STK31: variants seen among roughly 807,000 people sequenced by gnomAD.
STK31 encodes serine/threonine kinase 31.
Under a neutral mutation model 129.7 loss-of-function variants are expected in STK31, and 89 were observed. The observed-to-expected ratio is 0.69, with a 90% CI of 0.58 to 0.82. The LOEUF (loss-of-function observed/expected upper bound fraction) is 0.82, where lower values mean the gene tolerates loss of function less well. STK31 is among the 40% of genes least tolerant of loss of function. The pLI is 0.00. For missense variants in STK31, 1,187 were observed against 1,176.4 expected, an observed-to-expected ratio of 1.01 and a Z score of -0.13; for synonymous variants, 448 against 395.3, an observed-to-expected ratio of 1.13 and a Z score of -1.58.
intron 8 of STK31, among the ~76,000 whole-genome samples, chr7:23,745,309 G>A (rs572568653): frequency 6.6e-6 from 1 of 152,298 alleles, no homozygotes; most frequent in African/African-American, 2.4e-5. Flanking sequence ...TCAGGTCCAG[G>A]TGGTGAGTGC....
chr7:23,774,451 C>T (rs1300685057), intron 15 of STK31, among the ~76,000 whole-genome samples: 1 of 152,154 alleles, frequency 6.6e-6, no homozygotes, highest in Non-Finnish European at 1.5e-5. Flanking sequence ...CTGTTGTTTC[C>T]TGACTTTTTA....
chr7:23,831,413 C>T (rs896937646), intron 23 of STK31, among the ~76,000 whole-genome samples: 1 of 152,154 alleles, frequency 6.6e-6, no homozygotes, highest in African/African-American at 2.4e-5. Context: ...TTACCTGATA[C>T]AAGTATAGTT....
chr7:23,737,684 C>T (rs1382794086), intron 8 of STK31, among the ~76,000 whole-genome samples: 1 of 152,180 alleles, frequency 6.6e-6, no homozygotes, highest in Non-Finnish European at 1.5e-5. Flanking sequence ...CCCAGTTAGG[C>T]ACATACATTG....
intron 6 of STK31, among the ~76,000 whole-genome samples, chr7:23,730,830 T>A (rs1189827100): frequency 5.0e-5 from 7 of 140,938 alleles, no homozygotes; most frequent in Admixed American, 3.7e-4. Context: ...CAAAGATTCT[T>A]TATATATGGT....
intron 23 of STK31, among the ~76,000 whole-genome samples, chr7:23,817,513 C>G (rs7777348): frequency 0.25 from 37,495 of 152,050 alleles, 4,854 homozygotes; most frequent in South Asian, 0.34. Context: ...ATTTTGTGTT[C>G]ACACATAGCT....
chr7:23,790,425 T>G (rs1035968513), intron 21 of STK31, among the ~76,000 whole-genome samples: 2 of 152,190 alleles, frequency 1.3e-5, no homozygotes, highest in African/African-American at 4.8e-5. Flanking sequence ...AAATGGTATA[T>G]TTAGAGAATG....
At chr7:23,752,596 C>T in intron 8 of STK31, 121 bp from the exon 9 acceptor site, 1 of 706,888 alleles carries the variant, frequency 1.4e-6, no homozygotes, top group Non-Finnish European at 2.5e-6. Context: ...CCTCCTTGGC[C>T]TCCCAAAGTG....
intron 8 of STK31, among the ~76,000 whole-genome samples, chr7:23,739,197 T>C (rs1383833368): frequency 1.3e-5 from 2 of 152,238 alleles, no homozygotes; most frequent in Non-Finnish European, 2.9e-5. Flanking sequence ...TATCTCATTG[T>C]GGTTTTGATT....
chr7:23,806,831 C>T (rs1332753650), intron 22 of STK31, among the ~76,000 whole-genome samples: 2 of 142,660 alleles, frequency 1.4e-5, no homozygotes, highest in East Asian at 4.3e-4. Flanking sequence ...ACCCGGGAGG[C>T]GGAGCTTGCA....
At chr7:23,758,317 C>T (rs942872478) in intron 10 of STK31, among the ~76,000 whole-genome samples, 7 of 151,974 alleles carry the variant, frequency 4.6e-5, no homozygotes, top group African/African-American at 1.7e-4. Flanking sequence ...AGTGGTGATA[C>T]CCCTTTAACA....
intron 4 of STK31, chr7:23,721,551 T>C (rs1326734081): frequency 2.1e-5 from 19 of 913,042 alleles, no homozygotes; most frequent in Non-Finnish European, 2.9e-5. Flanking sequence ...TTTTTTTTTT[T>C]CCTTTTGGGT....
In STK31 at chr7:23,749,888, G is replaced by A. The variant is rs145726684; in HGVS notation, c.1018-2829G>A. Among the ~76,000 whole-genome samples, 669 of 152,050 alleles carry A rather than the reference G, an allele frequency of 4.4e-3. 7 individuals carry two copies. The highest frequency in any genetic ancestry group is 0.016 in the African/African-American group (650 of 41,472). On this transcript the variant is annotated intron_variant, in intron 8 of 23. Coordinates refer to ENST00000355870, the MANE Select transcript of STK31 (RefSeq NM_031414.5). ...GATGGCTAGAGTAGGATGGAATTGG[G>A]TATTTACCTCCTCCCATGTGGAAGG... is the stretch of plus-strand genomic sequence containing the variant.
At chr7:23,716,716 G>T (rs1477199794) in intron 3 of STK31, among the ~76,000 whole-genome samples, 1 of 151,244 alleles carries the variant, frequency 6.6e-6, no homozygotes, top group Non-Finnish European at 1.5e-5. Flanking sequence ...AAATTATTCA[G>T]CCTTGGCCAT....
Position 23,815,614 on chromosome 7 carries a change from T to G in STK31, c.2829+402T>G, listed in dbSNP as rs1025711061. ...ATAGGAATTGAACCAGGTGCTAGGATTACAAGGATTGTGGCATTGAGAATG... is the reference window on the plus strand; with the variant it reads ...ATAGGAATTGAACCAGGTGCTAGGAGTACAAGGATTGTGGCATTGAGAATG... On this transcript the variant is annotated intron_variant, in intron 23 of 23. Coordinates refer to ENST00000355870, the MANE Select transcript of STK31 (RefSeq NM_031414.5). 4.6e-5 allele frequency among the ~76,000 whole-genome samples: 7 copies of G among 152,288 alleles called. No individual in the cohort carries two copies. In the East Asian group the frequency reaches 5.8e-4, roughly 13 times the overall value.
intron 23 of STK31, among the ~76,000 whole-genome samples, chr7:23,825,745 C>T (rs938755754): frequency 3.9e-5 from 6 of 151,918 alleles, no homozygotes; most frequent in African/African-American, 1.4e-4. Flanking sequence ...TAGTGCTATA[C>T]ATTTCCCTCT....
In STK31 at chr7:23,769,700, G is replaced by A. The variant is rs772540013; in HGVS notation, c.1657G>A (p.Glu553Lys). Reference protein sequence around the residue: ...ISEDAMDNIDEILEKTESSVC... With the variant: ...ISEDAMDNIDKILEKTESSVC... ...AGAAGACGCAATGGATAATATTGAT[G>A]AAATCCTAGAGAAGACTGAGTCAAG... Residue 553 changes from glutamate to lysine, a missense_variant, in exon 13 of 24, where the codon GAA (glutamate) becomes AAA (lysine). Around this residue, in one of 5 missense-constraint regions of STK31, gnomAD observed 975 missense variants for 934.9 expected, o/e 1.04. Transcript: ENST00000355870. The A allele has an allele frequency of 3.7e-5, 60 of 1,611,160 alleles. No individual in the cohort carries two copies. The highest frequency in any genetic ancestry group is 4.8e-5 in the Non-Finnish European group (57 of 1,178,502).
At chr7:23,822,882 T>G (rs1793878030) in intron 23 of STK31, among the ~76,000 whole-genome samples, 1 of 152,190 alleles carries the variant, frequency 6.6e-6, no homozygotes, top group Admixed American at 6.5e-5. Flanking sequence ...TTGCTGAGAA[T>G]GATGGTTTCC....
chr7:23,710,088 G>GTCGGC, upstream of STK31: 2 of 864,374 alleles, frequency 2.3e-6, no homozygotes, highest in Non-Finnish European at 3.5e-6. Flanking sequence ...GTGCCTGGGG[G>GTCGGC]TCGGCAGCAG....
At chr7:23,743,460 G>T (rs1162249288) in intron 8 of STK31, among the ~76,000 whole-genome samples, 3 of 152,062 alleles carry the variant, frequency 2.0e-5, no homozygotes, top group Admixed American at 2.0e-4. Context: ...TGAATATATT[G>T]TTTCATTCTC....
Sources: gnomAD v4.1 joint callset for allele counts (sites outside exome capture counted in the v4.1 genomes callset) on GRCh38, gnomAD v4.1.1 for gene constraint, gnomAD v4.1.1 regional missense constraint, MANE v1.5 for transcripts, NCBI Gene and HGNC (gene_info 2026-07-23, HGNC 2026-07-21) for gene names.